The following RANBP3L variants were observed in gnomAD, a reference collection of about 807,000 sequenced individuals.
RANBP3L encodes RAN binding protein 3 like.
Under a neutral mutation model 67.2 loss-of-function variants are expected in RANBP3L, and 56 were observed. That is an observed-to-expected ratio of 0.83 (90% CI 0.67 to 1.04). The LOEUF (loss-of-function observed/expected upper bound fraction) is 1.04, where lower values mean the gene tolerates loss of function less well. Among genes scored for constraint, RANBP3L ranks in the 50% least tolerant of loss-of-function variants. The probability of loss-of-function intolerance (pLI) is 0.00; values close to 1 mark genes in which losing one functional copy is unlikely to be tolerated. For missense variants in RANBP3L, 496 were observed against 535.5 expected (o/e 0.93, Z 0.73); for synonymous variants, 164 against 181.4 (o/e 0.90, Z 0.77).
intron 12 of RANBP3L, among the ~76,000 whole-genome samples, chr5:36,253,167 A>T (rs1748717719): frequency 6.6e-6 from 1 of 151,854 alleles, no homozygotes; most frequent in Admixed American, 6.6e-5. Context: ...TTGGAGATTT[A>T]CTCATGTCCA....
At chr5:36,285,016 C>T (rs534543185) in intron 1 of RANBP3L, among the ~76,000 whole-genome samples, 168 of 152,268 alleles carry the variant, frequency 1.1e-3, no homozygotes, top group African/African-American at 3.8e-3. Flanking sequence ...AAGCAGTCTC[C>T]GGAGTCCGGA....
chr5:36,296,927 G>A (rs1310701803), intron 1 of RANBP3L, among the ~76,000 whole-genome samples: 1 of 150,382 alleles, frequency 6.6e-6, no homozygotes, highest in Non-Finnish European at 1.5e-5. Context: ...TCTGCAGCCT[G>A]TCAGTCTACA....
Position 36,301,800 on chromosome 5 carries a change from G to T in RANBP3L, c.-384C>A, listed in dbSNP as rs1410656267. 5.9e-6 allele frequency: 1 copy of T among 170,266 alleles called. No individual in the cohort carries two copies. The highest frequency in any genetic ancestry group is 1.6e-4 in the East Asian group (1 of 6,390). The allele number at this position is 170,266 out of a possible 1,614,324, so 10.5% of individuals were successfully genotyped here. The stretch of plus-strand genomic sequence containing the variant: ...GGCGACATGAAATCCAATGCCTCCA[G>T]TATTTAGAGAAGGCTGCTAAAATAA... On this transcript the variant is annotated 5_prime_UTR_variant, in exon 1 of 14. The change creates a new upstream start codon in the 5' untranslated region. Coordinates refer to ENST00000296604, the MANE Select transcript of RANBP3L (RefSeq NM_145000.5).
In RANBP3L at chr5:36,255,511, T is replaced by C. The variant is rs1236464429; in HGVS notation, c.983A>G (p.Asp328Gly). ...ERGRGTLRLN[D>G]TASTDCGTLQ... ...TGTTCCACAGTCAGTGCTTGCTGTG[T>C]CATTCAGTCTCAACGTTCCTCTGCC... The change falls in exon 11 of 14, where the codon GAC becomes GGC. Residue 328 changes from aspartate to glycine, a missense_variant. Physicochemically the swap from Asp to Gly is moderately conservative, Grantham distance 94. Transcript: ENST00000296604. The C allele has an allele frequency of 6.2e-7, 1 of 1,611,934 alleles. No individual in the cohort carries two copies. The highest frequency in any genetic ancestry group is 2.2e-5 in the East Asian group (1 of 44,832).
At chr5:36,263,613 T>C (rs1252746224) in intron 6 of RANBP3L, among the ~76,000 whole-genome samples, 1 of 152,238 alleles carries the variant, frequency 6.6e-6, no homozygotes, top group Non-Finnish European at 1.5e-5. Flanking sequence ...GTCACCAGGC[T>C]GGTACCATCT....
intron 1 of RANBP3L, among the ~76,000 whole-genome samples, chr5:36,276,942 A>T (rs994897088): frequency 2.0e-5 from 3 of 152,268 alleles, no homozygotes; most frequent in Admixed American, 2.0e-4. Context: ...TCTTCTTTCC[A>T]CTTGGTAGTG....
intron 6 of RANBP3L, among the ~76,000 whole-genome samples, chr5:36,264,624 A>T (rs1381589979): frequency 6.6e-6 from 1 of 152,146 alleles, no homozygotes; most frequent in Non-Finnish European, 1.5e-5. Flanking sequence ...ATGTAGAGAA[A>T]ATCCCTGCCT....
chr5:36,285,411 C>T (rs1207883741), intron 1 of RANBP3L, among the ~76,000 whole-genome samples: 1 of 152,188 alleles, frequency 6.6e-6, no homozygotes, highest in Non-Finnish European at 1.5e-5. Flanking sequence ...AATGTTTGCT[C>T]TTGCCAGATC....
chr5:36,283,539 TACACACACACACAC>T (rs3086448), intron 1 of RANBP3L, among the ~76,000 whole-genome samples: 198 of 144,798 alleles, frequency 1.4e-3, no homozygotes, highest in Non-Finnish European at 2.6e-3. Context: ...TATATAAAAA[TACACACACACACAC>T]ACACACACAC....
intron 10 of RANBP3L, among the ~76,000 whole-genome samples, chr5:36,256,158 T>A (rs1748963454): frequency 6.6e-6 from 1 of 152,092 alleles, no homozygotes; most frequent in Non-Finnish European, 1.5e-5. Context: ...ACTGCAATCA[T>A]TACTACTGTG....
chr5:36,277,947 G>A (rs1350567104), intron 1 of RANBP3L, among the ~76,000 whole-genome samples: 8 of 152,068 alleles, frequency 5.3e-5, no homozygotes, highest in Non-Finnish European at 1.2e-4. Flanking sequence ...AGCAAAGGGG[G>A]TTTCCCTTTA....
chr5:36,285,143 C>G (rs1026459916), intron 1 of RANBP3L, among the ~76,000 whole-genome samples: 11 of 152,148 alleles, frequency 7.2e-5, no homozygotes, highest in Admixed American at 4.6e-4. Context: ...ATAACAAACA[C>G]TTCATAAATG....
intron 1 of RANBP3L, among the ~76,000 whole-genome samples, chr5:36,298,513 AC>A (rs566828800): frequency 3.5e-4 from 54 of 152,286 alleles, no homozygotes; most frequent in African/African-American, 1.2e-3. Flanking sequence ...GCTTCCTGGG[AC>A]CTTTGCTGAA....
At chr5:36,262,587 G>A (rs1418910222) in intron 6 of RANBP3L, among the ~76,000 whole-genome samples, 1 of 151,990 alleles carries the variant, frequency 6.6e-6, no homozygotes, top group Non-Finnish European at 1.5e-5. Context: ...ATGTAAGAGT[G>A]AGGAAATTTA....
chr5:36,264,102 G>A (rs1282276925), intron 6 of RANBP3L, among the ~76,000 whole-genome samples: 2 of 152,208 alleles, frequency 1.3e-5, no homozygotes, highest in Non-Finnish European at 2.9e-5. Flanking sequence ...AAAAGATGTT[G>A]AATGGGTGCT....
chr5:36,265,382 T>C (rs1242140281), intron 5 of RANBP3L, 67 bp downstream of exon 5: 24 of 1,034,510 alleles, frequency 2.3e-5, no homozygotes, highest in Admixed American at 5.9e-5. Context: ...CGCACACATA[T>C]AGGGAGATGA....
At chr5:36,253,499 T>C in intron 12 of RANBP3L, 148 bp downstream of exon 12, 1 of 602,160 alleles carries the variant, frequency 1.7e-6, no homozygotes. Context: ...ACATAAAATT[T>C]ATGTCTTATG....
chr5:36,286,647 T>C (rs1751342009), intron 1 of RANBP3L, among the ~76,000 whole-genome samples: 1 of 152,218 alleles, frequency 6.6e-6, no homozygotes, highest in Admixed American at 6.5e-5. Context: ...TCCAGGTGAT[T>C]CTGCAGGTGA....
Position 36,249,421 on chromosome 5 carries a change from T to C in RANBP3L, c.*233A>G. On this transcript the variant is annotated 3_prime_UTR_variant, in exon 14 of 14. Transcript: ENST00000296604. Reference sequence around the variant, plus strand: ...TCTAAATAAACTTCTTCAAAAATGATAAATTTTGAACTTCTGAAGTCCATT... The same window carrying C: ...TCTAAATAAACTTCTTCAAAAATGACAAATTTTGAACTTCTGAAGTCCATT... 1 of 300,096 alleles carries C rather than the reference T, an allele frequency of 3.3e-6. No homozygotes were observed. The highest frequency in any genetic ancestry group is 6.1e-6 in the Non-Finnish European group (1 of 163,552). The allele number at this position is 300,096 out of a possible 1,614,324, so 18.6% of individuals were successfully genotyped here.
Sources: gnomAD v4.1 joint callset for allele counts (sites outside exome capture counted in the v4.1 genomes callset) on GRCh38, gnomAD v4.1.1 for gene constraint, MANE v1.5 for transcripts, NCBI Gene and HGNC (gene_info 2026-07-23, HGNC 2026-07-21) for gene names.